The following UGT1A5 variants were observed in gnomAD, a reference collection of about 807,000 sequenced individuals.
The protein encoded by UGT1A5 is UDP-glucuronosyltransferase 1A5.
In UGT1A5, 29 loss-of-function variants were observed where a neutral mutation model predicts 40.3. The ratio of observed to expected loss-of-function variants is 0.72; its 90% CI spans 0.54 to 0.98. The LOEUF (loss-of-function observed/expected upper bound fraction) is 0.98. Ranked by LOEUF, UGT1A5 falls within the 50% of genes least tolerant of loss-of-function variation. The probability of loss-of-function intolerance (pLI) is 0.00; values close to 1 mark genes in which losing one functional copy is unlikely to be tolerated. For missense variants in UGT1A5, 678 were observed against 677.9 expected, an observed-to-expected ratio of 1.00 and a Z score of 0.00; for synonymous variants, 257 against 262.5, an observed-to-expected ratio of 0.98 and a Z score of 0.20.
At position 233,713,226 on chromosome 2, in the gene UGT1A5, A is replaced by T; in HGVS notation, c.235A>T (p.Thr79Ser). The T allele has an allele frequency of 6.2e-7, 1 of 1,614,204 alleles. No homozygotes were observed. The highest frequency in any genetic ancestry group is 1.1e-5 in the South Asian group (1 of 91,050). Residue 79 changes from threonine to serine, a missense_variant, in exon 1 of 5, where the codon ACG becomes TCG. By Grantham distance (58) the Thr-to-Ser change is moderately conservative. Transcript: ENST00000373414. ...IKEENFFTLT[T>S]YAISWTQDEF... ...AGAAGAGAACTTTTTCACCCTGACAACGTATGCCATTTCATGGACCCAGGA... is the reference window on the plus strand; with the variant it reads ...AGAAGAGAACTTTTTCACCCTGACATCGTATGCCATTTCATGGACCCAGGA...
At chr2:233,719,218 A>C (rs1197156994) in intron 1 of UGT1A5, 2 of 1,614,132 alleles carry the variant, frequency 1.2e-6, no homozygotes, top group Non-Finnish European at 1.7e-6. Context: ...GAGCTACTGC[A>C]TAATGAGGCC....
chr2:233,723,516 CTT>C lies in UGT1A5; in HGVS notation c.867+9677_867+9678del, dbSNP rs1162916866. ...TGAGCCACTGCACCTGGTCAACAATCTTTTTTTTTTTTTTTTTTTTAATTTAT... is the reference window on the plus strand; with the variant it reads ...TGAGCCACTGCACCTGGTCAACAATCTTTTTTTTTTTTTTTTTTAATTTAT... On this transcript the variant is annotated intron_variant, in intron 1 of 4. Coordinates refer to ENST00000373414, the MANE Select transcript of UGT1A5 (RefSeq NM_019078.2). Among the ~76,000 whole-genome samples, 162 of 85,388 alleles carry C rather than the reference CTT, an allele frequency of 1.9e-3. 4 individuals are homozygous for C. The highest frequency in any genetic ancestry group is 7.1e-3 in the African/African-American group (146 of 20,564). The allele number at this position is 85,388 out of a possible 152,430, so 56.0% of individuals were successfully genotyped here.
chr2:233,763,903 G>A lies in UGT1A5; in HGVS notation c.868-3131G>A, dbSNP rs779915264. The stretch of plus-strand genomic sequence containing the variant: ...AGAAAAATAACTAAACAGAAGATTA[G>A]TGAGGACCAAGGCTTCGAGATGGCC... On this transcript the variant is annotated intron_variant, in intron 1 of 4. Coordinates refer to ENST00000373414, the MANE Select transcript of UGT1A5 (RefSeq NM_019078.2). 3.3e-5 allele frequency among the ~76,000 whole-genome samples: 5 copies of A among 152,300 alleles called. No individual in the cohort carries two copies. In the South Asian group the frequency reaches 1.0e-3, roughly 32 times the overall value.
At chr2:233,718,993 C>CGGT (rs2076711815) in intron 1 of UGT1A5, 1 of 1,614,206 alleles carries the variant, frequency 6.2e-7, no homozygotes, top group Non-Finnish European at 8.5e-7. Flanking sequence ...GGCCACCAGG[C>CGGT]GGTGGTCCTC....
At chr2:233,755,374 C>G (rs1205727870) in intron 1 of UGT1A5, 3 of 355,518 alleles carry the variant, frequency 8.4e-6, no homozygotes, top group South Asian at 6.7e-5. Flanking sequence ...CCTGGAGGGC[C>G]GCCCCTTATG....
chr2:233,755,424 C>T (rs976220166), intron 1 of UGT1A5: 1 of 319,328 alleles, frequency 3.1e-6, no homozygotes, highest in East Asian at 8.3e-5. Flanking sequence ...GTGAGCGCCT[C>T]GCATCCCAAG....
At chr2:233,743,431 C>T (rs755334550) in intron 1 of UGT1A5, 17 of 1,354,320 alleles carry the variant, frequency 1.3e-5, no homozygotes, top group African/African-American at 1.5e-5. Context: ...GCCAAAGGAA[C>T]GAAATCCTGT....
In UGT1A5 at chr2:233,767,042, AGCCTACATTAAT is replaced by A; in HGVS notation, c.879_890del (p.Tyr294_Ala297del). The A allele has an allele frequency of 6.2e-7, 1 of 1,614,104 alleles. No individual in the cohort carries two copies. The highest frequency in any genetic ancestry group is 8.5e-7 in the Non-Finnish European group (1 of 1,179,998). ...TTTTCTTCTGGCTCTAGGAATTTGA[AGCCTACATTAAT>A]GCTTCTGGAGAACATGGAATTGTGG... On this transcript the variant is annotated inframe_deletion, in exon 2 of 5. Coordinates refer to ENST00000373414, the MANE Select transcript of UGT1A5 (RefSeq NM_019078.2).
At chr2:233,750,013 A>T (rs1694334722) in intron 1 of UGT1A5, among the ~76,000 whole-genome samples, 1 of 151,828 alleles carries the variant, frequency 6.6e-6, no homozygotes, top group East Asian at 1.9e-4. Context: ...TGCCATGGAG[A>T]GTGGAGTACT....
At chr2:233,739,473 G>A (rs1691116225) in intron 1 of UGT1A5, among the ~76,000 whole-genome samples, 1 of 152,214 alleles carries the variant, frequency 6.6e-6, no homozygotes, top group African/African-American at 2.4e-5. Flanking sequence ...CTGAGACCGT[G>A]GGAGCCCATT....
intron 4 of UGT1A5, among the ~76,000 whole-genome samples, chr2:233,768,754 T>C (rs899936789): frequency 6.6e-6 from 1 of 151,960 alleles, no homozygotes; most frequent in Non-Finnish European, 1.5e-5. Context: ...GGTTAATTTT[T>C]GTATTTTTTA....
intron 1 of UGT1A5, chr2:233,743,509 G>T: frequency 7.3e-7 from 1 of 1,367,170 alleles, no homozygotes; most frequent in Non-Finnish European, 9.8e-7. Context: ...GGGTGCAGAC[G>T]CTCTGCTTCT....
At position 233,767,025 on chromosome 2, in the gene UGT1A5, T is replaced by G. The variant is rs1345213013; in HGVS notation, c.868-9T>G. ...AAAAATTAACTGAAAATTTTTCTTC[T>G]GGCTCTAGGAATTTGAAGCCTACAT... On this transcript the variant is annotated splice_polypyrimidine_tract_variant and intron_variant, in intron 1 of 4. Coordinates refer to ENST00000373414, the MANE Select transcript of UGT1A5 (RefSeq NM_019078.2). The G allele has an allele frequency of 6.2e-7, 1 of 1,614,030 alleles. No individual in the cohort carries two copies. The highest frequency in any genetic ancestry group is 8.5e-7 in the Non-Finnish European group (1 of 1,180,008).
chr2:233,722,946 TGAG>T (rs1439594890), intron 1 of UGT1A5, among the ~76,000 whole-genome samples: 3 of 133,040 alleles, frequency 2.3e-5, no homozygotes, highest in African/African-American at 2.8e-5. Flanking sequence ...CTGAGTGGGC[TGAG>T]GAGGAGGAGG....
At position 233,742,119 on chromosome 2, in the gene UGT1A5, C is replaced by T. The variant is rs142315410; in HGVS notation, c.868-24915C>T. Among the ~76,000 whole-genome samples, 140 of 151,952 alleles carry T rather than the reference C, an allele frequency of 9.2e-4. 4 individuals carry two copies. The highest frequency in any genetic ancestry group is 3.3e-3 in the African/African-American group (138 of 41,214). The stretch of plus-strand genomic sequence containing the variant: ...GACCCACTGCCAAGACCAGCTTGGT[C>T]GTGGAGACCCTAACCCAGCAGCGCT... On this transcript the variant is annotated intron_variant, in intron 1 of 4. Coordinates refer to ENST00000373414, the MANE Select transcript of UGT1A5 (RefSeq NM_019078.2).
At chr2:233,716,356 C>G (rs1029133275) in intron 1 of UGT1A5, among the ~76,000 whole-genome samples, 1 of 152,180 alleles carries the variant, frequency 6.6e-6, no homozygotes, top group Admixed American at 6.5e-5. Flanking sequence ...AATGTAGATA[C>G]TTTGTGGGGC....
At chr2:233,744,776 C>T (rs1406230141) in intron 1 of UGT1A5, among the ~76,000 whole-genome samples, 1 of 151,874 alleles carries the variant, frequency 6.6e-6, no homozygotes, top group African/African-American at 2.4e-5. Context: ...TTGCAAAATT[C>T]TCCTGAAAAA....
chr2:233,739,043 G>A (rs1411881573), intron 1 of UGT1A5: 2 of 152,288 alleles, frequency 1.3e-5, no homozygotes, highest in African/African-American at 4.8e-5. Flanking sequence ...CCAAGGTAGA[G>A]CTCAGGCCAT....
At chr2:233,755,280 C>T in intron 1 of UGT1A5, 2 of 709,722 alleles carry the variant, frequency 2.8e-6, no homozygotes, top group Non-Finnish European at 2.2e-6. Context: ...GCTGGACTGC[C>T]AAAGAGCCTG....
Sources: allele counts gnomAD v4.1 joint callset (sites outside exome capture counted in the v4.1 genomes callset), GRCh38; gene constraint gnomAD v4.1.1; transcripts MANE v1.5; gene names NCBI Gene and HGNC (gene_info 2026-07-23, HGNC 2026-07-21).